The following ITGA9 variants were observed in gnomAD, a reference collection of about 807,000 sequenced individuals.
ITGA9 encodes integrin subunit alpha 9.
Under a neutral mutation model 127.8 loss-of-function variants are expected in ITGA9, and 56 were observed. The observed-to-expected ratio is 0.44, with a 90% CI of 0.35 to 0.55. The LOEUF (loss-of-function observed/expected upper bound fraction) is 0.55, where lower values mean the gene tolerates loss of function less well. ITGA9 is among the 20% of genes least tolerant of loss of function. The pLI, the probability that ITGA9 is intolerant of heterozygous loss-of-function variation, is 0.00. For synonymous variants in ITGA9, 508 were observed against 514.5 expected (o/e 0.99, Z 0.17); for missense variants, 1,196 against 1,347.1 (o/e 0.89, Z 1.76).
At chr3:37,504,836 A>T (rs879931613) in intron 6 of ITGA9, among the ~76,000 whole-genome samples, 2 of 152,180 alleles carry the variant, frequency 1.3e-5, no homozygotes, top group Non-Finnish European at 2.9e-5. Context: ...TCATGATATG[A>T]TGTCATCGCG....
chr3:37,818,687 C>A, intron 27 of ITGA9: 1 of 614,460 alleles, frequency 1.6e-6, no homozygotes, highest in Non-Finnish European at 2.9e-6. Context: ...TACGTAATAT[C>A]ACCCGCAGGA....
At chr3:37,669,426 G>GC (rs1235147470) in intron 17 of ITGA9, among the ~76,000 whole-genome samples, 1 of 152,212 alleles carries the variant, frequency 6.6e-6, no homozygotes, top group African/African-American at 2.4e-5. Context: ...CCCTGTCCCT[G>GC]CCCCAGCCTG....
intron 15 of ITGA9, among the ~76,000 whole-genome samples, chr3:37,595,204 A>G (rs1271323650): frequency 6.6e-6 from 1 of 151,968 alleles, no homozygotes; most frequent in African/African-American, 2.4e-5. Context: ...GCCCAGGCCC[A>G]AGTGATCCTC....
At position 37,556,085 on chromosome 3, in the gene ITGA9, A is replaced by G. The variant is rs1218861984; in HGVS notation, c.1689+13500A>G. On this transcript the variant is annotated intron_variant, in intron 15 of 27. Coordinates refer to ENST00000264741, the MANE Select transcript of ITGA9 (RefSeq NM_002207.3). Reference sequence around the variant, plus strand: ...TGGAAAGATTCCCTTTCAACTCAACATGTGTGAAGCACATGAACTGAAGCA... The same window carrying G: ...TGGAAAGATTCCCTTTCAACTCAACGTGTGTGAAGCACATGAACTGAAGCA... 3.3e-5 allele frequency among the ~76,000 whole-genome samples: 5 copies of G among 152,256 alleles called. 1 individual carries two copies. In the South Asian group the frequency reaches 6.2e-4, roughly 19 times the overall value.
At chr3:37,572,250 G>C (rs904732406) in intron 15 of ITGA9, among the ~76,000 whole-genome samples, 1 of 151,990 alleles carries the variant, frequency 6.6e-6, no homozygotes, top group Non-Finnish European at 1.5e-5. Flanking sequence ...TTGTTTCTTC[G>C]AGGGAGCTTG....
intron 16 of ITGA9, among the ~76,000 whole-genome samples, chr3:37,632,198 T>A (rs1009605223): frequency 4.6e-5 from 7 of 152,186 alleles, no homozygotes; most frequent in Admixed American, 2.6e-4. Context: ...TAAAAAATTT[T>A]AAAAATGCAA....
chr3:37,534,186 A>G (rs1699185852), intron 14 of ITGA9, among the ~76,000 whole-genome samples: 1 of 152,240 alleles, frequency 6.6e-6, no homozygotes, highest in South Asian at 2.1e-4. Flanking sequence ...GCATATTACT[A>G]GGTGCTTCAT....
intron 15 of ITGA9, among the ~76,000 whole-genome samples, chr3:37,583,908 C>G (rs953332130): frequency 1.3e-5 from 2 of 152,206 alleles, no homozygotes. Context: ...CATGTTTTCT[C>G]TTTCCCTTCT....
intron 1 of ITGA9, among the ~76,000 whole-genome samples, chr3:37,460,729 A>G (rs2125547522): frequency 6.6e-6 from 1 of 151,540 alleles, no homozygotes; most frequent in African/African-American, 2.4e-5. Context: ...AGCTGGGACT[A>G]CAGGTGCCCC....
At chr3:37,512,507 C>T (rs565797178) in intron 8 of ITGA9, among the ~76,000 whole-genome samples, 5 of 152,086 alleles carry the variant, frequency 3.3e-5, no homozygotes, top group African/African-American at 9.6e-5. Flanking sequence ...TCACCATGCC[C>T]GGCCTTCTTC....
At chr3:37,723,793 G>A (rs1169446268) in intron 18 of ITGA9, among the ~76,000 whole-genome samples, 6 of 152,220 alleles carry the variant, frequency 3.9e-5, no homozygotes, top group Non-Finnish European at 8.8e-5. Context: ...ATAGGGCAGC[G>A]GTCAGTGAAT....
intron 27 of ITGA9, among the ~76,000 whole-genome samples, chr3:37,809,312 C>T (rs1697338151): frequency 6.6e-6 from 1 of 152,078 alleles, no homozygotes; most frequent in African/African-American, 2.4e-5. Flanking sequence ...TCTCGAACTC[C>T]AGGCCTCAAG....
chr3:37,538,880 T>C (rs558262763), intron 14 of ITGA9, among the ~76,000 whole-genome samples: 4 of 152,264 alleles, frequency 2.6e-5, no homozygotes, highest in South Asian at 4.1e-4. Flanking sequence ...AAGTACTAAT[T>C]AGGCAGTTCT....
chr3:37,539,312 A>G (rs1189092872), intron 14 of ITGA9, among the ~76,000 whole-genome samples: 1 of 152,254 alleles, frequency 6.6e-6, no homozygotes, highest in African/African-American at 2.4e-5. Context: ...TGATCCCAAG[A>G]GGTACCAGTA....
intron 15 of ITGA9, among the ~76,000 whole-genome samples, chr3:37,555,420 A>G (rs576774859): frequency 1.3e-5 from 2 of 152,254 alleles, no homozygotes; most frequent in African/African-American, 4.8e-5. Flanking sequence ...GCTAGTGCCA[A>G]TAAGGCATTG....
chr3:37,624,496 C>G (rs558045447), intron 15 of ITGA9, among the ~76,000 whole-genome samples: 3 of 152,170 alleles, frequency 2.0e-5, no homozygotes, highest in Non-Finnish European at 4.4e-5. Flanking sequence ...TCTCCCCAGT[C>G]CTGCACCCAT....
At position 37,814,042 on chromosome 3, in the gene ITGA9, A is replaced by C. The variant is rs1360053054; in HGVS notation, c.3010-4849A>C. Among the ~76,000 whole-genome samples, 1 of 152,216 alleles carries C rather than the reference A, an allele frequency of 6.6e-6. No individual in the cohort carries two copies. The highest frequency in any genetic ancestry group is 1.9e-4 in the East Asian group (1 of 5,202). On this transcript the variant is annotated intron_variant, in intron 27 of 27. Coordinates refer to ENST00000264741, the MANE Select transcript of ITGA9 (RefSeq NM_002207.3). This position sits in a 1 kb window ranked among gnomAD's most constrained non-coding sequence, Gnocchi z 4.3. Reference sequence around the variant, plus strand: ...AAAAATTGAAAATTGAATTTTCAAAAAATTTCTCAAAAATCTTTGAGAAAA... The same window carrying C: ...AAAAATTGAAAATTGAATTTTCAAACAATTTCTCAAAAATCTTTGAGAAAA...
intron 1 of ITGA9, among the ~76,000 whole-genome samples, chr3:37,465,976 T>TTAACA (rs1477283842): frequency 6.6e-6 from 1 of 152,132 alleles, no homozygotes; most frequent in African/African-American, 2.4e-5. Flanking sequence ...GCTTGGCATC[T>TTAACA]TAACATGAAT....
chr3:37,747,885 C>T (rs547881787), intron 22 of ITGA9, among the ~76,000 whole-genome samples: 33 of 152,118 alleles, frequency 2.2e-4, no homozygotes, highest in African/African-American at 7.5e-4. Flanking sequence ...CACACCACCA[C>T]GCCTAGCTAA....
Sources: gnomAD v4.1 joint callset for allele counts (sites outside exome capture counted in the v4.1 genomes callset) on GRCh38, gnomAD v4.1.1 for gene constraint, Gnocchi (gnomAD v3.1) non-coding constraint, MANE v1.5 for transcripts, NCBI Gene and HGNC (gene_info 2026-07-23, HGNC 2026-07-21) for gene names.